AMBRA1: variants seen among roughly 807,000 people sequenced by gnomAD.
The protein encoded by AMBRA1 is autophagy and beclin 1 regulator 1.
In AMBRA1, 47 loss-of-function variants were observed where a neutral mutation model predicts 125.4. That is an observed-to-expected ratio of 0.37 (90% confidence interval 0.30 to 0.48). AMBRA1 has a LOEUF of 0.48. Among genes scored for constraint, AMBRA1 ranks in the 20% least tolerant of loss-of-function variants. AMBRA1 has a pLI of 0.99. For synonymous variants in AMBRA1, 626 were observed against 655.5 expected, an observed-to-expected ratio of 0.95 and a Z score of 0.69; for missense variants, 1,331 against 1,693.4, an observed-to-expected ratio of 0.79 and a Z score of 3.76.
chr11:46,544,803 C>T (rs1480034814), intron 5 of AMBRA1, among the ~76,000 whole-genome samples: 1 of 152,082 alleles, frequency 6.6e-6, no homozygotes, highest in African/African-American at 2.4e-5. Context: ...TGTCTCCCAG[C>T]TGATTAGTCA....
intron 12 of AMBRA1, among the ~76,000 whole-genome samples, chr11:46,437,171 G>A (rs75331995): frequency 0.012 from 1,822 of 152,268 alleles, 43 homozygotes; most frequent in African/African-American, 0.042. Flanking sequence ...GTACAAGTAA[G>A]ATTTTCCTTC....
intron 14 of AMBRA1, among the ~76,000 whole-genome samples, chr11:46,429,454 C>T (rs1947345004): frequency 6.6e-6 from 1 of 152,172 alleles, no homozygotes; most frequent in Admixed American, 6.5e-5. Flanking sequence ...GGGGGTGGTC[C>T]ATGTTAATTC....
At chr11:46,576,150 C>T (rs1048338606) in intron 1 of AMBRA1, among the ~76,000 whole-genome samples, 4 of 151,940 alleles carry the variant, frequency 2.6e-5, no homozygotes, top group African/African-American at 9.7e-5. Flanking sequence ...AGGAAGACAT[C>T]CCTGAGTATG....
intron 17 of AMBRA1, among the ~76,000 whole-genome samples, chr11:46,404,536 C>T (rs1342417903): frequency 6.6e-6 from 1 of 152,290 alleles, no homozygotes; most frequent in Middle Eastern, 3.4e-3. Context: ...CCTCCCCTGC[C>T]CTGACTGGTT....
At chr11:46,590,284 G>A (rs2044550666) in intron 1 of AMBRA1, among the ~76,000 whole-genome samples, 1 of 151,808 alleles carries the variant, frequency 6.6e-6, no homozygotes, top group Non-Finnish European at 1.5e-5. Context: ...AGGCTGCAGT[G>A]AGCCAAGATT....
chr11:46,411,746 G>C (rs2136628035), intron 15 of AMBRA1, among the ~76,000 whole-genome samples: 1 of 152,286 alleles, frequency 6.6e-6, no homozygotes, highest in East Asian at 1.9e-4. Flanking sequence ...TAGGATTACA[G>C]GCATGAACCA....
At position 46,397,061 on chromosome 11, in the gene AMBRA1, C is replaced by T. The variant is rs1945493605; in HGVS notation, c.*389G>A. 2 of 165,646 alleles carry T rather than the reference C, an allele frequency of 1.2e-5. No homozygotes were observed. Among genetic ancestry groups the T allele is most frequent in the East Asian group, 1.7e-4 (1 of 5,792 alleles). The allele number at this position is 165,646 out of a possible 1,614,324, so 10.3% of individuals were successfully genotyped here. On this transcript the variant is annotated 3_prime_UTR_variant, in exon 18 of 18. Transcript: ENST00000683756. ...AGGTGGACAGGGCAAAGCTGCCTCGCGGGCCTCTGTCCAGGATGATTGGCC... is the reference window on the plus strand; with the variant it reads ...AGGTGGACAGGGCAAAGCTGCCTCGTGGGCCTCTGTCCAGGATGATTGGCC...
intron 7 of AMBRA1, chr11:46,518,181 G>A (rs1447417394): frequency 9.2e-6 from 7 of 762,682 alleles, no homozygotes; most frequent in Non-Finnish European, 1.1e-5. Context: ...TGTAATCCCA[G>A]CACTTTGGGA....
intron 9 of AMBRA1, among the ~76,000 whole-genome samples, chr11:46,502,142 T>G (rs1950863956): frequency 1.3e-5 from 2 of 152,288 alleles, no homozygotes; most frequent in South Asian, 4.1e-4. Flanking sequence ...AGCAGTGGCA[T>G]AATCTCGGCT....
At chr11:46,493,288 T>C (rs578179784) in intron 11 of AMBRA1, among the ~76,000 whole-genome samples, 1 of 152,094 alleles carries the variant, frequency 6.6e-6, no homozygotes, top group African/African-American at 2.4e-5. Context: ...AACCAAAACA[T>C]AAACACGGCA....
chr11:46,511,837 C>T (rs1951270106), intron 8 of AMBRA1, among the ~76,000 whole-genome samples: 1 of 152,136 alleles, frequency 6.6e-6, no homozygotes, highest in African/African-American at 2.4e-5. Context: ...TGTTTTTTAT[C>T]TCTTTAGAAC....
chr11:46,548,154 T>C, intron 2 of AMBRA1, 92 bp downstream of exon 2: 1 of 1,548,336 alleles, frequency 6.5e-7, no homozygotes. Context: ...ACAAGATAAA[T>C]ATATCCCAAC....
chr11:46,455,959 T>G (rs1948827819), intron 11 of AMBRA1, among the ~76,000 whole-genome samples: 1 of 152,188 alleles, frequency 6.6e-6, no homozygotes, highest in Non-Finnish European at 1.5e-5. Context: ...GGCCTGTTTT[T>G]ATCACCATGC....
At chr11:46,547,960 TA>T in intron 2 of AMBRA1, 85 bp from the exon 3 acceptor site, 1 of 1,450,032 alleles carries the variant, frequency 6.9e-7, no homozygotes, top group Non-Finnish European at 9.4e-7. Flanking sequence ...TTAACCATTC[TA>T]GATTAGCATT....
intron 1 of AMBRA1, among the ~76,000 whole-genome samples, chr11:46,573,284 AAT>A (rs2043831496): frequency 6.6e-6 from 1 of 151,868 alleles, no homozygotes; most frequent in South Asian, 2.1e-4. Flanking sequence ...ACGCACCTGT[AAT>A]CCCAGCTACT....
chr11:46,495,551 G>A (rs997977149), intron 9 of AMBRA1: 2 of 152,188 alleles, frequency 1.3e-5, no homozygotes, highest in Admixed American at 1.3e-4. Context: ...CCTTTGACCT[G>A]AAATTGTGCA....
At chr11:46,524,948 G>A (rs1230278860) in intron 7 of AMBRA1, among the ~76,000 whole-genome samples, 8 of 152,198 alleles carry the variant, frequency 5.3e-5, no homozygotes, top group African/African-American at 1.4e-4. Context: ...CCATCCAACC[G>A]GTGATTCAAA....
chr11:46,552,216 A>G (rs981259730), intron 1 of AMBRA1, among the ~76,000 whole-genome samples: 1 of 148,034 alleles, frequency 6.8e-6, no homozygotes, highest in African/African-American at 2.5e-5. Context: ...TGAAAATACA[A>G]AAATTAGCCG....
At chr11:46,399,169 G>A (rs1442707009) in intron 17 of AMBRA1, among the ~76,000 whole-genome samples, 5 of 152,118 alleles carry the variant, frequency 3.3e-5, no homozygotes, top group Admixed American at 6.5e-5. Context: ...CCACTTCCTG[G>A]GTTCAAGCCA....
Sources: allele counts gnomAD v4.1 joint callset (sites outside exome capture counted in the v4.1 genomes callset), GRCh38; gene constraint gnomAD v4.1.1; transcripts MANE v1.5; gene names NCBI Gene and HGNC (gene_info 2026-07-23, HGNC 2026-07-21).